The following SAMD8 variants were observed in gnomAD, a reference collection of about 807,000 sequenced individuals.
SAMD8 encodes sterile alpha motif domain containing 8.
A neutral mutation model predicts 42.0 loss-of-function variants in SAMD8; 20 were observed. The ratio of observed to expected loss-of-function variants is 0.48; its 90% CI spans 0.34 to 0.69. The LOEUF (loss-of-function observed/expected upper bound fraction) is 0.69, where lower values mean the gene tolerates loss of function less well. Among genes scored for constraint, SAMD8 ranks in the 30% least tolerant of loss-of-function variants. SAMD8 has a pLI of 0.01. For synonymous variants in SAMD8, 162 were observed against 173.0 expected, an observed-to-expected ratio of 0.94 and a Z score of 0.50; for missense variants, 328 against 511.6, an observed-to-expected ratio of 0.64 and a Z score of 3.46.
chr10:75,152,944 T>A lies in SAMD8; in HGVS notation c.578+1838T>A, dbSNP rs533847958. Among the ~76,000 whole-genome samples, 4 of 152,292 alleles carry A rather than the reference T, an allele frequency of 2.6e-5. No individual in the cohort carries two copies. The South Asian group carries it at 8.3e-4, about 32-fold the overall frequency. On this transcript the variant is annotated intron_variant, in intron 2 of 5. Transcript: ENST00000542569. ...TCACATTTTTGATTTTTAAATCTTT[T>A]AAAAATTTGGGTATTACTTTCTTGT...
At chr10:75,152,294 G>A (rs1251793149) in intron 2 of SAMD8, among the ~76,000 whole-genome samples, 1 of 150,578 alleles carries the variant, frequency 6.6e-6, no homozygotes, top group Non-Finnish European at 1.5e-5. Flanking sequence ...AGGCCGAGGC[G>A]GGCGGATCAC....
At chr10:75,106,007 C>T (rs1168157135) in intron 1 of SAMD8, 6 of 740,582 alleles carry the variant, frequency 8.1e-6, no homozygotes, top group Non-Finnish European at 1.4e-5. Context: ...CCTTTATGGA[C>T]CTCAGTTTCC....
intron 1 of SAMD8, among the ~76,000 whole-genome samples, chr10:75,150,046 A>C (rs558907731): frequency 6.6e-6 from 1 of 151,170 alleles, no homozygotes; most frequent in Non-Finnish European, 1.5e-5. Flanking sequence ...GTGTGTGTAT[A>C]TACATATGTG....
At chr10:75,135,135 T>G (rs1189639941) in intron 1 of SAMD8, among the ~76,000 whole-genome samples, 1 of 152,082 alleles carries the variant, frequency 6.6e-6, no homozygotes, top group African/African-American at 2.4e-5. Context: ...TATTTGATCA[T>G]CATACAGTGT....
At chr10:75,105,091 G>A (rs1365138077) in intron 1 of SAMD8, among the ~76,000 whole-genome samples, 1 of 152,164 alleles carries the variant, frequency 6.6e-6, no homozygotes, top group Non-Finnish European at 1.5e-5. Context: ...AGAGGTGGAG[G>A]CAGGCCCTGC....
chr10:75,129,773 C>G (rs1589943459), intron 1 of SAMD8, among the ~76,000 whole-genome samples: 1 of 152,304 alleles, frequency 6.6e-6, no homozygotes, highest in East Asian at 1.9e-4. Context: ...TAGCTGTGAT[C>G]TTAACCCTTG....
intron 2 of SAMD8, among the ~76,000 whole-genome samples, chr10:75,155,046 C>T (rs771835352): frequency 1.3e-5 from 2 of 152,044 alleles, no homozygotes; most frequent in African/African-American, 2.4e-5. Flanking sequence ...TGTGTGTCAC[C>T]ACACCTGCCT....
upstream of SAMD8, chr10:75,111,463 C>A: frequency 8.3e-7 from 1 of 1,209,384 alleles, no homozygotes; most frequent in South Asian, 4.2e-5. Flanking sequence ...AGAACCCCGT[C>A]CCCGGCCGGT....
At chr10:75,172,802 T>A (rs900353323) in intron 4 of SAMD8, among the ~76,000 whole-genome samples, 4 of 152,168 alleles carry the variant, frequency 2.6e-5, no homozygotes, top group Non-Finnish European at 5.9e-5. Context: ...GGCCTAATTT[T>A]AATTTTTTTT....
chr10:75,139,128 T>A (rs1415223130), intron 1 of SAMD8, among the ~76,000 whole-genome samples: 1 of 141,718 alleles, frequency 7.1e-6, no homozygotes, highest in Non-Finnish European at 1.5e-5. Context: ...GCCCGATTAA[T>A]TTTTTTTTTT....
rs184619903 is a variant in SAMD8 at position 75,167,170 on chromosome 10, A to T, written c.675-1371A>T. Among the ~76,000 whole-genome samples, 37 of 152,292 alleles carry T rather than the reference A, an allele frequency of 2.4e-4. No individual in the cohort carries two copies. In the East Asian group the frequency reaches 6.5e-3, roughly 27 times the overall value. On this transcript the variant is annotated intron_variant, in intron 3 of 5. Coordinates refer to ENST00000542569, the MANE Select transcript of SAMD8 (RefSeq NM_001174156.2). ...TATACTTGATATAAACATTTTTTTTAAAACATAGTGTTTTATAGCTTAAGT... is the reference window on the plus strand; with the variant it reads ...TATACTTGATATAAACATTTTTTTTTAAACATAGTGTTTTATAGCTTAAGT...
At chr10:75,168,514 T>C (rs771383833) in intron 3 of SAMD8, 27 bp from the exon 4 acceptor site, 3 of 1,605,780 alleles carry the variant, frequency 1.9e-6, no homozygotes, top group Non-Finnish European at 1.7e-6. Context: ...TTCTGATCTT[T>C]CCCCCTTTTT....
At chr10:75,111,326 C>G (rs1589926718), upstream of SAMD8, 4 of 393,194 alleles carry the variant, frequency 1.0e-5, no homozygotes, top group African/African-American at 2.1e-5. Context: ...CCCGCTTCCT[C>G]CTGTCGCTTT....
chr10:75,154,373 T>C (rs909738018), intron 2 of SAMD8, among the ~76,000 whole-genome samples: 8 of 152,122 alleles, frequency 5.3e-5, no homozygotes, highest in Non-Finnish European at 7.4e-5. Flanking sequence ...AGAAGACCAC[T>C]AGGAAGTAAG....
chr10:75,132,029 A>G (rs1424854489), intron 1 of SAMD8, among the ~76,000 whole-genome samples: 1 of 152,208 alleles, frequency 6.6e-6, no homozygotes, highest in East Asian at 1.9e-4. Context: ...GCCAGGGTTG[A>G]AAACCTTTGT....
intron 1 of SAMD8, among the ~76,000 whole-genome samples, chr10:75,134,777 A>T (rs1849348903): frequency 6.6e-6 from 1 of 151,884 alleles, no homozygotes; most frequent in Non-Finnish European, 1.5e-5. Flanking sequence ...GATAGATGTG[A>T]CTGGTGTGGT....
intron 1 of SAMD8, among the ~76,000 whole-genome samples, chr10:75,139,121 C>T (rs537797066): frequency 6.6e-5 from 10 of 151,826 alleles, no homozygotes; most frequent in African/African-American, 1.9e-4. Flanking sequence ...CCACCACGCC[C>T]GATTAATTTT....
intron 1 of SAMD8, among the ~76,000 whole-genome samples, chr10:75,115,264 CATTGAGGGGTTA>C (rs963816115): frequency 1.3e-5 from 2 of 152,152 alleles, no homozygotes; most frequent in African/African-American, 4.8e-5. Context: ...TGATGTAACA[CATTGAGGGGTTA>C]ATAGTAGGGC....
rs1360157917 is a variant in SAMD8, at chr10:75,111,698, G to C, written c.-40G>C. On this transcript the variant is annotated 5_prime_UTR_variant, in exon 1 of 6. Transcript: ENST00000542569. The stretch of plus-strand genomic sequence containing the variant: ...CGGACGCCGACTCGGAGGTGGGTCC[G>C]GGGAGCCCGACTCGGACCGCGGAGG... The C allele has an allele frequency of 6.5e-6, 8 of 1,235,238 alleles. No homozygotes were observed. Among genetic ancestry groups the C allele is most frequent in the Non-Finnish European group, 8.1e-6 (8 of 989,784 alleles). The allele number at this position is 1,235,238 out of a possible 1,614,324, so 76.5% of individuals were successfully genotyped here. A position where few individuals can be genotyped will look rare whatever the true frequency, so the allele number is the denominator to read the frequency against.
Sources: allele counts gnomAD v4.1 joint callset (sites outside exome capture counted in the v4.1 genomes callset), GRCh38; gene constraint gnomAD v4.1.1; transcripts MANE v1.5; gene names NCBI Gene and HGNC (gene_info 2026-07-23, HGNC 2026-07-21).